The following LTV1 variants were observed in gnomAD, a reference collection of about 807,000 sequenced individuals.
LTV1 encodes the protein LTV1 ribosome biogenesis factor, also known as protein LTV1 homolog.
In LTV1, 39 loss-of-function variants were observed where a neutral mutation model predicts 59.9. The observed-to-expected ratio is 0.65, with a 90% CI of 0.50 to 0.85. The LOEUF is 0.85. Ranked by LOEUF, LTV1 falls within the 40% of genes least tolerant of loss-of-function variation. The pLI is 0.00. For synonymous variants in LTV1, 171 were observed against 189.5 expected (o/e 0.90, Z 0.80); for missense variants, 493 against 549.1 (o/e 0.90, Z 1.02).
rs1777070027 is a variant in LTV1 at position 143,855,994 on chromosome 6, T to G, written c.398-1309T>G. Among the ~76,000 whole-genome samples the G allele has an allele frequency of 6.6e-6, 1 of 152,162 alleles. No individual in the cohort carries two copies. The highest frequency in any genetic ancestry group is 6.5e-5 in the Admixed American group (1 of 15,284). On this transcript the variant is annotated intron_variant, in intron 4 of 10. Transcript: ENST00000367576. This position sits in a 1 kb window ranked among gnomAD's most constrained non-coding sequence, Gnocchi z 4.6. ...TGTTGGCCTCTCTTGCTAGGTTGGG[T>G]AAGTTCTCCTGGATAATATCCTGAA...
At position 143,843,469 on chromosome 6, in the gene LTV1, G is replaced by A. The variant is rs1485619733; in HGVS notation, c.-9G>A. ...CCCCTGTTGGGGGTGAGCGCCGCGC[G>A]GCTGCAGCATGGTGAGCAAGCCTTG... On this transcript the variant is annotated 5_prime_UTR_variant, in exon 1 of 11. Coordinates refer to ENST00000367576, the MANE Select transcript of LTV1 (RefSeq NM_032860.5). The A allele has an allele frequency of 5.6e-6, 9 of 1,613,420 alleles. No individual in the cohort carries two copies. The highest frequency in any genetic ancestry group is 6.8e-6 in the Non-Finnish European group (8 of 1,179,970).
In LTV1 at chr6:143,862,058, C is replaced by T. The variant is rs1218554452; in HGVS notation, c.924-46C>T. On this transcript the variant is annotated intron_variant, in intron 7 of 10. Transcript: ENST00000367576. The surrounding 1 kb of genome is among the most constrained non-coding windows in gnomAD (Gnocchi z 4.2). ...TTAGTGACATAGTATAATAATAGGT[C>T]ATTTTTCCCCCTCTTGGTCTTCACT... The T allele has an allele frequency of 1.3e-6, 2 of 1,582,250 alleles. No homozygotes were observed. Among genetic ancestry groups the T allele is most frequent in the East Asian group, 2.2e-5 (1 of 44,506 alleles).
Position 143,857,616 on chromosome 6 carries a change from T to C in LTV1, c.540-136T>C. 8.9e-7 allele frequency: 1 copy of C among 1,120,262 alleles called. No homozygotes were observed. Among genetic ancestry groups the C allele is most frequent in the South Asian group, 1.5e-5 (1 of 68,186 alleles). The allele number at this position is 1,120,262 out of a possible 1,614,324, so 69.4% of individuals were successfully genotyped here. On this transcript the variant is annotated intron_variant, in intron 5 of 10. Transcript: ENST00000367576. The surrounding 1 kb of genome is among the most constrained non-coding windows in gnomAD (Gnocchi z 5.2). ...TCATTGCTTTTCCTACCAAACCAGA[T>C]TGATCAAACACCCTCACTCTTCCTG...
At chr6:143,848,481 T>C (rs1028944060) in intron 3 of LTV1, among the ~76,000 whole-genome samples, 2 of 152,218 alleles carry the variant, frequency 1.3e-5, no homozygotes, top group Non-Finnish European at 2.9e-5. Context: ...ATGTAGCCTT[T>C]ACTCATGCTC....
In LTV1 at chr6:143,844,722, C is replaced by G. The variant is rs183114938; in HGVS notation, c.135+105C>G. On this transcript the variant is annotated intron_variant, in intron 2 of 10. Coordinates refer to ENST00000367576, the MANE Select transcript of LTV1 (RefSeq NM_032860.5). ...GTCTTAGCACGTTGCCCAGGCTGGT[C>G]TCGAACTCCTGGACTTAAGCAGTCC... The G allele has an allele frequency of 2.1e-4, 255 of 1,229,836 alleles. No individual in the cohort carries two copies. The African/African-American group carries it at 3.2e-3, about 16-fold the overall frequency. 76.2% of individuals were successfully genotyped at this position (1,229,836 alleles called of 1,614,324 possible). A position where few individuals can be genotyped will look rare whatever the true frequency, so the allele number is the denominator to read the frequency against.
Position 143,863,048 on chromosome 6 carries a change from T to G in LTV1, c.1117-38T>G. The stretch of plus-strand genomic sequence containing the variant: ...TTAATGAGCTATTTTTTAATAGGAA[T>G]GAGAAGTAACTCTAGTACCATTTTA... On this transcript the variant is annotated intron_variant, in intron 9 of 10. Transcript: ENST00000367576. The surrounding 1 kb of genome is among the most constrained non-coding windows in gnomAD (Gnocchi z 4.5). The G allele has an allele frequency of 2.6e-6, 4 of 1,554,758 alleles. No homozygotes were observed. The highest frequency in any genetic ancestry group is 1.4e-5 in the African/African-American group (1 of 73,650).
At chr6:143,847,454 C>T (rs552473550) in intron 3 of LTV1, among the ~76,000 whole-genome samples, 14 of 152,312 alleles carry the variant, frequency 9.2e-5, no homozygotes, top group East Asian at 7.7e-4. Context: ...CTCCGCCTCC[C>T]GGGTTCAAGC....
At chr6:143,851,049 G>A (rs1187976223) in intron 4 of LTV1, among the ~76,000 whole-genome samples, 2 of 152,060 alleles carry the variant, frequency 1.3e-5, no homozygotes, top group African/African-American at 4.8e-5. Flanking sequence ...GGGACCAGAG[G>A]ATGTTCCAGA....
In LTV1 at chr6:143,862,808, T is replaced by C; in HGVS notation, c.1064-36T>C. The C allele has an allele frequency of 7.7e-7, 1 of 1,302,290 alleles. No individual in the cohort carries two copies. Among genetic ancestry groups the C allele is most frequent in the Non-Finnish European group, 1.1e-6 (1 of 896,594 alleles). The allele number at this position is 1,302,290 out of a possible 1,614,324, so 80.7% of individuals were successfully genotyped here. On this transcript the variant is annotated intron_variant, in intron 8 of 10. Transcript: ENST00000367576. The surrounding 1 kb of genome is among the most constrained non-coding windows in gnomAD (Gnocchi z 4.2). ...GTAATGCTTTGTGGAACTGAAAACA[T>C]GCTTACTGATACATGACTTTTATTT...
rs1002884061 is a variant in LTV1, at chr6:143,855,974, G to A, written c.398-1329G>A. Among the ~76,000 whole-genome samples the A allele has an allele frequency of 3.5e-5, 5 of 144,152 alleles. No homozygotes were observed. In the East Asian group the frequency reaches 1.1e-3, roughly 31 times the overall value. The allele number at this position is 144,152 out of a possible 152,430, so 94.6% of individuals were successfully genotyped here. A position where few individuals can be genotyped will look rare whatever the true frequency, so the allele number is the denominator to read the frequency against. ...TTGTGGTTCCTGAATTTGAATGTTG[G>A]CCTCTCTTGCTAGGTTGGGTAAGTT... On this transcript the variant is annotated intron_variant, in intron 4 of 10. Coordinates refer to ENST00000367576, the MANE Select transcript of LTV1 (RefSeq NM_032860.5). This position sits in a 1 kb window ranked among gnomAD's most constrained non-coding sequence, Gnocchi z 4.6.
intron 6 of LTV1, 105 bp from the exon 7 acceptor site, chr6:143,860,321 A>G (rs749396733): frequency 1.9e-4 from 164 of 885,970 alleles, no homozygotes; most frequent in South Asian, 8.4e-4. Flanking sequence ...TAGTACCTGA[A>G]TAACTATTGT....
At chr6:143,845,448 T>C (rs1562328542) in intron 2 of LTV1, among the ~76,000 whole-genome samples, 2 of 152,202 alleles carry the variant, frequency 1.3e-5, no homozygotes, top group Non-Finnish European at 2.9e-5. Flanking sequence ...CCATCTCAGC[T>C]CACTGCAACT....
Position 143,862,955 on chromosome 6 carries a change from A to T in LTV1, c.1116+59A>T. 6.8e-7 allele frequency: 1 copy of T among 1,469,748 alleles called. No homozygotes were observed. The highest frequency in any genetic ancestry group is 1.1e-5 in the South Asian group (1 of 87,802). 91.0% of individuals were successfully genotyped at this position (1,469,748 alleles called of 1,614,324 possible). On this transcript the variant is annotated intron_variant, in intron 9 of 10. Coordinates refer to ENST00000367576, the MANE Select transcript of LTV1 (RefSeq NM_032860.5). The surrounding 1 kb of genome is among the most constrained non-coding windows in gnomAD (Gnocchi z 4.2). ...GCAGTGCATAAAAAATAGAGTGCAC[A>T]TTTTCGCACAATAACTTTTTATCTT...
Position 143,857,339 on chromosome 6 carries a change from C to G in LTV1, c.434C>G (p.Ala145Gly), listed in dbSNP as rs762632199. ...RLDFDPDIVA[A>G]LDDDFDFDDP... ...GATTTTGATCCTGACATTGTTGCAG[C>G]TCTTGATGATGATTTTGACTTTGAT... The change falls in exon 5 of 11, where the codon GCT (alanine) becomes GGT (glycine). Residue 145 changes from alanine to glycine, a missense_variant. By Grantham distance (60) the Ala-to-Gly change is moderately conservative. Transcript: ENST00000367576. The surrounding 1 kb of genome is among the most constrained non-coding windows in gnomAD (Gnocchi z 5.2). 6 of 1,613,748 alleles carry G rather than the reference C, an allele frequency of 3.7e-6. No individual in the cohort carries two copies. Among genetic ancestry groups the G allele is most frequent in the Non-Finnish European group, 4.2e-6 (5 of 1,179,678 alleles).
At position 143,855,511 on chromosome 6, in the gene LTV1, A is replaced by G. The variant is rs140234737; in HGVS notation, c.398-1792A>G. 2.1e-3 allele frequency among the ~76,000 whole-genome samples: 317 copies of G among 152,242 alleles called. 2 individuals carry two copies. Among genetic ancestry groups the G allele is most frequent in the African/African-American group, 7.4e-3 (308 of 41,534 alleles). On this transcript the variant is annotated intron_variant, in intron 4 of 10. Coordinates refer to ENST00000367576, the MANE Select transcript of LTV1 (RefSeq NM_032860.5). This position sits in a 1 kb window ranked among gnomAD's most constrained non-coding sequence, Gnocchi z 4.6. Reference sequence around the variant, plus strand: ...ATGATGCTAGCTGGTTATTTTGCCCATTAGTTTATGCAGTTTCTTCTTAGT... The same window carrying G: ...ATGATGCTAGCTGGTTATTTTGCCCGTTAGTTTATGCAGTTTCTTCTTAGT...
rs1582944444 is a variant in LTV1 at position 143,862,761 on chromosome 6, T to C, written c.1064-83T>C. 1.1e-6 allele frequency: 1 copy of C among 875,984 alleles called. No homozygotes were observed. Among genetic ancestry groups the C allele is most frequent in the Non-Finnish European group, 1.9e-6 (1 of 517,658 alleles). 54.3% of individuals were successfully genotyped at this position (875,984 alleles called of 1,614,324 possible). ...TATTTTGCACTATGAAAACACAAGG[T>C]CAGAAATATAGTAGGAATTCAGTAA... On this transcript the variant is annotated intron_variant, in intron 8 of 10. Coordinates refer to ENST00000367576, the MANE Select transcript of LTV1 (RefSeq NM_032860.5). The surrounding 1 kb of genome is among the most constrained non-coding windows in gnomAD (Gnocchi z 4.2).
At chr6:143,847,735 G>C (rs1414947625) in intron 3 of LTV1, among the ~76,000 whole-genome samples, 1 of 152,168 alleles carries the variant, frequency 6.6e-6, no homozygotes, top group Non-Finnish European at 1.5e-5. Flanking sequence ...ACAGGATAAG[G>C]CTCTTAAATG....
At chr6:143,851,771 T>G (rs538198823) in intron 4 of LTV1, among the ~76,000 whole-genome samples, 2 of 152,046 alleles carry the variant, frequency 1.3e-5, no homozygotes, top group African/African-American at 4.8e-5. Flanking sequence ...CCCCTCCCTG[T>G]GTCCATATGT....
intron 7 of LTV1, among the ~76,000 whole-genome samples, chr6:143,861,045 C>T (rs563919021): frequency 6.6e-6 from 1 of 151,806 alleles, no homozygotes; most frequent in African/African-American, 2.4e-5. Context: ...TACAGGTGCA[C>T]ACCACCATGC....
Sources: allele counts gnomAD v4.1 joint callset (sites outside exome capture counted in the v4.1 genomes callset), GRCh38; gene constraint gnomAD v4.1.1; non-coding constraint Gnocchi (gnomAD v3.1); transcripts MANE v1.5; gene names NCBI Gene and HGNC (gene_info 2026-07-23, HGNC 2026-07-21).